Variants in CDC5L observed in about 807,000 individuals in gnomAD.
CDC5L encodes cell division cycle 5-like protein.
CDC5L carries 18 observed loss-of-function variants against 104.1 expected under a neutral mutation model. The observed-to-expected ratio is 0.17, with a 90% CI of 0.12 to 0.26. CDC5L has a LOEUF of 0.26. CDC5L is among the 10% of genes least tolerant of loss of function. CDC5L has a pLI of 1.00. For synonymous variants in CDC5L, 331 were observed against 322.7 expected (o/e 1.03, Z -0.28); for missense variants, 673 against 956.9 (o/e 0.70, Z 3.91).
rs11571983 is a variant in CDC5L, at chr6:44,419,778, C to T, written c.1241+181C>T. Among the ~76,000 whole-genome samples, 932 of 152,168 alleles carry T rather than the reference C, an allele frequency of 6.1e-3. 10 individuals are homozygous for T. Among genetic ancestry groups the T allele is most frequent in the African/African-American group, 0.021 (861 of 41,508 alleles). Reference sequence around the variant, plus strand: ...TGGTTAAATACTGTGGAGTGCCTCCCCCCCTTTCTTTAAGATGGAGTCTCG... The same window carrying T: ...TGGTTAAATACTGTGGAGTGCCTCCTCCCCTTTCTTTAAGATGGAGTCTCG... On this transcript the variant is annotated intron_variant, in intron 9 of 15. Transcript: ENST00000371477.
intron 9 of CDC5L, 58 bp from the exon 10 acceptor site, chr6:44,422,589 G>T: frequency 8.6e-6 from 9 of 1,043,286 alleles, no homozygotes; most frequent in Middle Eastern, 2.2e-4. Flanking sequence ...AAAAACATTT[G>T]AAAGCACAAT....
At chr6:44,423,926 T>C (rs1463847173) in intron 10 of CDC5L, among the ~76,000 whole-genome samples, 2 of 152,210 alleles carry the variant, frequency 1.3e-5, no homozygotes, top group African/African-American at 4.8e-5. Context: ...TGGTCTTTTT[T>C]TCTGCCCTGG....
At chr6:44,391,189 T>A (rs1790602958) in intron 2 of CDC5L, among the ~76,000 whole-genome samples, 1 of 148,192 alleles carries the variant, frequency 6.7e-6, no homozygotes. Flanking sequence ...ATTAAACATA[T>A]TTAATATGTT....
chr6:44,398,505 C>G (rs1481746715), intron 5 of CDC5L, among the ~76,000 whole-genome samples: 1 of 152,196 alleles, frequency 6.6e-6, no homozygotes, highest in Non-Finnish European at 1.5e-5. Flanking sequence ...AAGTTATATT[C>G]TAACAGGCTG....
intron 9 of CDC5L, among the ~76,000 whole-genome samples, chr6:44,420,140 G>T (rs1293840690): frequency 6.6e-6 from 1 of 152,156 alleles, no homozygotes; most frequent in African/African-American, 2.4e-5. Context: ...TTGAAAGAAT[G>T]TGTGGAAGTT....
At chr6:44,409,874 A>G (rs1246408521) in intron 8 of CDC5L, among the ~76,000 whole-genome samples, 1 of 151,946 alleles carries the variant, frequency 6.6e-6, no homozygotes, top group African/African-American at 2.4e-5. Context: ...CCCTTGTTCA[A>G]TGAAGAATAT....
intron 14 of CDC5L, among the ~76,000 whole-genome samples, chr6:44,442,023 A>G (rs557470): frequency 0.3 from 42,950 of 144,790 alleles, 7,952 homozygotes; most frequent in East Asian, 0.75. Flanking sequence ...TGCAACCTCT[A>G]CCTCCTGGGT....
rs1472762510 is a variant in CDC5L, at chr6:44,448,967, A to T, written c.*2256A>T. On this transcript the variant is annotated 3_prime_UTR_variant, in exon 16 of 16. Coordinates refer to ENST00000371477, the MANE Select transcript of CDC5L (RefSeq NM_001253.4). Reference sequence around the variant, plus strand: ...GCATTCATATAATTGTTCTCATTTGATGTTTTGATGAGGTATATTAATAGA... The same window carrying T: ...GCATTCATATAATTGTTCTCATTTGTTGTTTTGATGAGGTATATTAATAGA... 6 of 152,154 alleles carry T rather than the reference A, an allele frequency of 3.9e-5. No homozygotes were observed. Among genetic ancestry groups the T allele is most frequent in the African/African-American group, 1.4e-4 (6 of 41,446 alleles). The allele number at this position is 152,154 out of a possible 1,614,324, so 9.4% of individuals were successfully genotyped here. A position where few individuals can be genotyped will look rare whatever the true frequency, so the allele number is the denominator to read the frequency against.
rs1016999744 is a variant in CDC5L at position 44,448,280 on chromosome 6, G to A, written c.*1569G>A. 1.3e-5 allele frequency: 2 copies of A among 152,170 alleles called. No homozygotes were observed. The highest frequency in any genetic ancestry group is 2.9e-5 in the Non-Finnish European group (2 of 68,024). The allele number at this position is 152,170 out of a possible 1,614,324, so 9.4% of individuals were successfully genotyped here. A position where few individuals can be genotyped will look rare whatever the true frequency, so the allele number is the denominator to read the frequency against. ...ATGGCATTTCTGTATATAAGACCTC[G>A]TTGTATAGAGCCACATAAATAAGGC... On this transcript the variant is annotated 3_prime_UTR_variant, in exon 16 of 16. Transcript: ENST00000371477.
At chr6:44,433,012 T>A (rs1451815378) in intron 14 of CDC5L, among the ~76,000 whole-genome samples, 1 of 152,226 alleles carries the variant, frequency 6.6e-6, no homozygotes, top group African/African-American at 2.4e-5. Context: ...TTGCTATTTA[T>A]AGTGGTATCC....
rs754957602 is a variant in CDC5L at position 44,448,244 on chromosome 6, G to C, written c.*1533G>C. 3.3e-5 allele frequency: 5 copies of C among 152,220 alleles called. No individual in the cohort carries two copies. Among genetic ancestry groups the C allele is most frequent in the Non-Finnish European group, 7.3e-5 (5 of 68,048 alleles). The allele number at this position is 152,220 out of a possible 1,614,324, so 9.4% of individuals were successfully genotyped here. A position where few individuals can be genotyped will look rare whatever the true frequency, so the allele number is the denominator to read the frequency against. On this transcript the variant is annotated 3_prime_UTR_variant, in exon 16 of 16. Transcript: ENST00000371477. ...AGGAACAAAAAGGACAATGCAGCTAGAGTGTCAAGAATGGCATTTCTGTAT... is the reference window on the plus strand; with the variant it reads ...AGGAACAAAAAGGACAATGCAGCTACAGTGTCAAGAATGGCATTTCTGTAT...
intron 7 of CDC5L, among the ~76,000 whole-genome samples, chr6:44,407,485 C>T (rs1386862700): frequency 6.6e-6 from 1 of 152,162 alleles, no homozygotes; most frequent in Admixed American, 6.5e-5. Context: ...CGCCACCATG[C>T]CCCGCTAATT....
At chr6:44,425,520 C>A (rs1792379861) in intron 11 of CDC5L, among the ~76,000 whole-genome samples, 1 of 148,494 alleles carries the variant, frequency 6.7e-6, no homozygotes, top group African/African-American at 2.4e-5. Context: ...ATTTTAGGGA[C>A]CTTGAATCTC....
chr6:44,393,189 T>TA (rs1183860246), intron 3 of CDC5L, among the ~76,000 whole-genome samples: 111 of 144,714 alleles, frequency 7.7e-4, no homozygotes, highest in African/African-American at 2.5e-3. Context: ...TTTTTTTTTT[T>TA]AAATTTGTAT....
chr6:44,428,191 G>A (rs1172082253), intron 13 of CDC5L, among the ~76,000 whole-genome samples: 4 of 152,044 alleles, frequency 2.6e-5, no homozygotes, highest in African/African-American at 4.8e-5. Flanking sequence ...TTAATAAACT[G>A]TCAGATTTTC....
chr6:44,434,831 A>G (rs1267479373), intron 14 of CDC5L, among the ~76,000 whole-genome samples: 2 of 152,164 alleles, frequency 1.3e-5, no homozygotes, highest in Non-Finnish European at 2.9e-5. Context: ...CCCTTTTGTA[A>G]TGACCCGAGG....
Position 44,404,032 on chromosome 6 carries a change from G to A in CDC5L, c.758+5G>A. ...TCTTGATGGGGAGCTAAGATCGTAA[G>A]TTGCCTTTCTGATTTTGGAAATGGA... is the stretch of plus-strand genomic sequence containing the variant. On this transcript the variant is annotated splice_donor_5th_base_variant and intron_variant, in intron 6 of 15. Coordinates refer to ENST00000371477, the MANE Select transcript of CDC5L (RefSeq NM_001253.4). 1 of 1,599,174 alleles carries A rather than the reference G, an allele frequency of 6.3e-7. No individual in the cohort carries two copies. The highest frequency in any genetic ancestry group is 8.5e-7 in the Non-Finnish European group (1 of 1,174,110).
chr6:44,395,135 G>A (rs1456731001), intron 4 of CDC5L, among the ~76,000 whole-genome samples: 1 of 152,060 alleles, frequency 6.6e-6, no homozygotes, highest in African/African-American at 2.4e-5. Context: ...TGGGAGAGCG[G>A]GATTAAGAGA....
At chr6:44,426,446 A>G (rs1792427361) in intron 12 of CDC5L, 36 bp from the exon 13 acceptor site, 1 of 1,153,768 alleles carries the variant, frequency 8.7e-7, no homozygotes, top group African/African-American at 1.6e-5. Context: ...TATTATAGTG[A>G]TATGTTTGGT....
Sources: gnomAD v4.1 joint callset for allele counts (sites outside exome capture counted in the v4.1 genomes callset) on GRCh38, gnomAD v4.1.1 for gene constraint, MANE v1.5 for transcripts, NCBI Gene and HGNC (gene_info 2026-07-23, HGNC 2026-07-21) for gene names.